The following ELF1 variants were observed in gnomAD, a reference collection of about 807,000 sequenced individuals.
ELF1 encodes the protein ETS-related transcription factor Elf-1.
In ELF1, 24 loss-of-function variants were observed where a neutral mutation model predicts 59.9. The ratio of observed to expected loss-of-function variants is 0.40; its 90% CI spans 0.29 to 0.56. The LOEUF is 0.56. Ranked by LOEUF, ELF1 falls within the 20% of genes least tolerant of loss-of-function variation. The pLI is 0.44. For missense variants in ELF1, 627 were observed against 742.2 expected (o/e 0.84, Z 1.80); for synonymous variants, 248 against 266.2 (o/e 0.93, Z 0.67).
chr13:41,031,155 T>C (rs61962747), intron 1 of ELF1, among the ~76,000 whole-genome samples: 1 of 142,650 alleles, frequency 7.0e-6, no homozygotes, highest in African/African-American at 2.6e-5. Flanking sequence ...TGAGACCCTA[T>C]TAAAAAAAAA....
chr13:41,011,331 A>T (rs906289743), intron 1 of ELF1, among the ~76,000 whole-genome samples: 3 of 152,222 alleles, frequency 2.0e-5, no homozygotes, highest in Non-Finnish European at 4.4e-5. Flanking sequence ...CTCAACTGGA[A>T]ATTACTATTT....
chr13:40,934,096 G>A (rs965963878), intron 8 of ELF1, 68 bp from the exon 9 acceptor site: 57 of 1,521,862 alleles, frequency 3.7e-5, no homozygotes, highest in African/African-American at 4.2e-5. Context: ...TTTAACACTT[G>A]ACAAGTCATT....
intron 1 of ELF1, among the ~76,000 whole-genome samples, chr13:40,993,634 C>T (rs1421752179): frequency 1.3e-5 from 2 of 152,014 alleles, no homozygotes; most frequent in East Asian, 3.9e-4. Context: ...GTGTGTACTA[C>T]CACACCTGAC....
chr13:40,962,352 T>C (rs1055731609), intron 2 of ELF1, among the ~76,000 whole-genome samples: 1 of 152,084 alleles, frequency 6.6e-6, no homozygotes, highest in Non-Finnish European at 1.5e-5. Context: ...AAAAGGTTTA[T>C]TAAGAATGAA....
At chr13:41,053,995 TTGATA>T (rs1287889266) in intron 1 of ELF1, among the ~76,000 whole-genome samples, 9 of 152,190 alleles carry the variant, frequency 5.9e-5, no homozygotes, top group African/African-American at 1.9e-4. Flanking sequence ...GGGGGGATGT[TTGATA>T]TATTTCTCAA....
chr13:41,052,075 G>C, intron 1 of ELF1, among the ~76,000 whole-genome samples: 1 of 151,632 alleles, frequency 6.6e-6, no homozygotes, highest in Non-Finnish European at 1.5e-5. Context: ...AAGTAGCTGA[G>C]ATTACAGGTG....
rs540128740 is a variant in ELF1 at position 41,035,209 on chromosome 13, A to G, written c.-229+25629T>C. 5.6e-4 allele frequency among the ~76,000 whole-genome samples: 86 copies of G among 152,348 alleles called. 1 individual carries two copies. The highest frequency in any genetic ancestry group is 1.9e-3 in the African/African-American group (79 of 41,582). On this transcript the variant is annotated intron_variant, in intron 1 of 1. Transcript: ENST00000405737. ...TCAAGGATGAATAGATTTCCTTCAG[A>G]ACTCTTCCTACTGGAATACTCTTCC...
chr13:40,934,657 T>C (rs1450366439), intron 8 of ELF1, among the ~76,000 whole-genome samples: 1 of 152,060 alleles, frequency 6.6e-6, no homozygotes, highest in Admixed American at 6.6e-5. Context: ...TGACCTCAGG[T>C]GATCCACCCG....
intron 7 of ELF1, among the ~76,000 whole-genome samples, chr13:40,942,569 T>A (rs1870244468): frequency 6.6e-6 from 1 of 152,166 alleles, no homozygotes; most frequent in Admixed American, 6.5e-5. Flanking sequence ...TTGCCCAAGC[T>A]GGAGTTCAGT....
Position 40,933,249 on chromosome 13 carries a change from TAACA to T in ELF1, c.*172_*175del, listed in dbSNP as rs1240708719. 3.9e-6 allele frequency: 3 copies of T among 764,098 alleles called. No individual in the cohort carries two copies. The highest frequency in any genetic ancestry group is 2.8e-5 in the East Asian group (1 of 35,640). The allele number at this position is 764,098 out of a possible 1,614,324, so 47.3% of individuals were successfully genotyped here. On this transcript the variant is annotated 3_prime_UTR_variant, in exon 9 of 9. Coordinates refer to ENST00000239882, the MANE Select transcript of ELF1 (RefSeq NM_172373.4). Reference sequence around the variant, plus strand: ...ACGATTGAATTCTGAAACATTTAGATAACAAAGAGAAACAGTTGAGTTTTCCTCC... The same window carrying T: ...ACGATTGAATTCTGAAACATTTAGATAAGAGAAACAGTTGAGTTTTCCTCC...
rs148296555 is a variant in ELF1, at chr13:40,969,943, C to T, written c.73-10927G>A. On this transcript the variant is annotated intron_variant, in intron 2 of 8. Coordinates refer to ENST00000239882, the MANE Select transcript of ELF1 (RefSeq NM_172373.4). ...GGTAAAGTTGAAAATCACTCACTCA[C>T]GAAACTATCTGGGCCTACAGGTTTT... 1.7e-3 allele frequency among the ~76,000 whole-genome samples: 257 copies of T among 152,210 alleles called. 1 individual carries two copies. The highest frequency in any genetic ancestry group is 3.1e-3 in the Non-Finnish European group (211 of 68,012).
At chr13:40,990,416 T>C (rs1293348029) in intron 1 of ELF1, among the ~76,000 whole-genome samples, 1 of 152,226 alleles carries the variant, frequency 6.6e-6, no homozygotes, top group Non-Finnish European at 1.5e-5. Context: ...TGGACTTTTA[T>C]TTTTCTACTT....
chr13:41,019,345 T>C, upstream of ELF1: 1 of 985,468 alleles, frequency 1.0e-6, no homozygotes, highest in East Asian at 1.1e-4. Context: ...CTTCAGCTTA[T>C]GAGTCATACA....
At chr13:40,997,079 G>A (rs549751596) in intron 1 of ELF1, among the ~76,000 whole-genome samples, 1 of 152,136 alleles carries the variant, frequency 6.6e-6, no homozygotes, top group East Asian at 1.9e-4. Flanking sequence ...AGTGCAACCA[G>A]GTTTAAGGAC....
chr13:40,993,063 G>A (rs1016002507), intron 1 of ELF1: 4 of 1,607,070 alleles, frequency 2.5e-6, no homozygotes, highest in African/African-American at 1.3e-5. Context: ...TCCTGCTGGG[G>A]CCTTCATCAT....
At chr13:40,992,941 T>G (rs756941805) in intron 1 of ELF1, 1 of 785,530 alleles carries the variant, frequency 1.3e-6, no homozygotes, top group Non-Finnish European at 2.2e-6. Flanking sequence ...CCTTTTCTCT[T>G]TTCTTTGATT....
intron 1 of ELF1, chr13:40,993,034 A>T (rs1873946550): frequency 3.8e-6 from 6 of 1,566,154 alleles, no homozygotes; most frequent in Non-Finnish European, 5.3e-6. Context: ...GTTCAGAGGA[A>T]CTCTCTGAAA....
chr13:41,060,376 G>C (rs1046522782), intron 1 of ELF1, among the ~76,000 whole-genome samples: 1 of 152,248 alleles, frequency 6.6e-6, no homozygotes, highest in African/African-American at 2.4e-5. Flanking sequence ...GCCGGACGGG[G>C]GCGCTGGGAG....
At chr13:40,956,471 G>C (rs1018606540) in intron 3 of ELF1, among the ~76,000 whole-genome samples, 10 of 148,698 alleles carry the variant, frequency 6.7e-5, no homozygotes, top group Admixed American at 3.4e-4. Context: ...GAAAACCAAA[G>C]ACCTTTGTTC....
Sources: allele counts gnomAD v4.1 joint callset (sites outside exome capture counted in the v4.1 genomes callset), GRCh38; gene constraint gnomAD v4.1.1; transcripts MANE v1.5; gene names NCBI Gene and HGNC (gene_info 2026-07-23, HGNC 2026-07-21).